The following TBX20 variants were observed in gnomAD, a reference collection of about 807,000 sequenced individuals.
TBX20 encodes T-box transcription factor TBX20.
TBX20 carries 8 observed loss-of-function variants against 42.9 expected under a neutral mutation model. The ratio of observed to expected loss-of-function variants is 0.19; its 90% CI spans 0.11 to 0.34. The LOEUF (loss-of-function observed/expected upper bound fraction) is 0.34, where lower values mean the gene tolerates loss of function less well. Ranked by LOEUF, TBX20 falls within the 10% of genes least tolerant of loss-of-function variation. TBX20 has a pLI of 1.00. For missense variants in TBX20, 411 were observed against 566.0 expected (o/e 0.73, Z 2.78); for synonymous variants, 198 against 222.8 (o/e 0.89, Z 0.99).
intron 3 of TBX20, among the ~76,000 whole-genome samples, chr7:35,245,383 G>A (rs1036467562): frequency 4.8e-5 from 7 of 147,338 alleles, no homozygotes; most frequent in Non-Finnish European, 8.9e-5. Context: ...GGTCTGCTTC[G>A]ATCAAACGCA....
At chr7:35,250,349 T>A in intron 1 of TBX20, 146 bp from the exon 2 acceptor site, 2 of 991,738 alleles carry the variant, frequency 2.0e-6, no homozygotes, top group Non-Finnish European at 3.1e-6. Flanking sequence ...GGATGACCCA[T>A]CATCACTGTA....
At position 35,249,868 on chromosome 7, in the gene TBX20, T is replaced by C; in HGVS notation, c.380+83A>G. 6.8e-7 allele frequency: 1 copy of C among 1,476,228 alleles called. No individual in the cohort carries two copies. Among genetic ancestry groups the C allele is most frequent in the Non-Finnish European group, 9.2e-7 (1 of 1,090,206 alleles). The allele number at this position is 1,476,228 out of a possible 1,614,324, so 91.4% of individuals were successfully genotyped here. A position where few individuals can be genotyped will look rare whatever the true frequency, so the allele number is the denominator to read the frequency against. On this transcript the variant is annotated intron_variant, in intron 2 of 7. Coordinates refer to ENST00000408931, the MANE Select transcript of TBX20 (RefSeq NM_001077653.2). The surrounding 1 kb of genome is among the most constrained non-coding windows in gnomAD (Gnocchi z 4.3). Reference sequence around the variant, plus strand: ...CCGCTCCATGACCAGCCAGCTCTCATCTAGTTCCTGGAAGCACCCTCAACT... The same window carrying C: ...CCGCTCCATGACCAGCCAGCTCTCACCTAGTTCCTGGAAGCACCCTCAACT...
intron 6 of TBX20, among the ~76,000 whole-genome samples, chr7:35,216,699 C>A (rs1409588677): frequency 6.6e-6 from 1 of 152,152 alleles, no homozygotes; most frequent in Non-Finnish European, 1.5e-5. Context: ...TTAAACCTTC[C>A]TTCCTTATAC....
At chr7:35,225,352 C>T (rs1395099694) in intron 6 of TBX20, among the ~76,000 whole-genome samples, 7 of 151,858 alleles carry the variant, frequency 4.6e-5, no homozygotes, top group South Asian at 2.1e-4. Flanking sequence ...ACATAATAAC[C>T]CAAATTATTA....
chr7:35,234,762 G>A lies in TBX20; in HGVS notation c.814-3182C>T, dbSNP rs964016001. Among the ~76,000 whole-genome samples the A allele has an allele frequency of 3.9e-5, 6 of 152,224 alleles. No homozygotes were observed. The South Asian group carries it at 8.3e-4, about 21-fold the overall frequency. ...TCTATTTCTATTTAATCTAATTCTAGGGAAAATAATTGCTTTTGCACGTGA... is the reference window on the plus strand; with the variant it reads ...TCTATTTCTATTTAATCTAATTCTAAGGAAAATAATTGCTTTTGCACGTGA... On this transcript the variant is annotated intron_variant, in intron 5 of 7. Coordinates refer to ENST00000408931, the MANE Select transcript of TBX20 (RefSeq NM_001077653.2).
At chr7:35,212,402 C>G (rs1157820588) in intron 6 of TBX20, among the ~76,000 whole-genome samples, 2 of 152,162 alleles carry the variant, frequency 1.3e-5, no homozygotes, top group African/African-American at 2.4e-5. Context: ...AACTGATTAT[C>G]TCTTCACTAT....
At chr7:35,218,283 A>AC (rs1789623671) in intron 6 of TBX20, among the ~76,000 whole-genome samples, 1 of 152,228 alleles carries the variant, frequency 6.6e-6, no homozygotes, top group African/African-American at 2.4e-5. Context: ...CTGTAAATAT[A>AC]TAAACAAAAG....
chr7:35,243,431 T>C (rs1790120540), intron 4 of TBX20, among the ~76,000 whole-genome samples: 1 of 152,144 alleles, frequency 6.6e-6, no homozygotes, highest in African/African-American at 2.4e-5. Flanking sequence ...AAGCTGATGC[T>C]AAAAGGAAAG....
chr7:35,205,392 C>T (rs2669529), intron 6 of TBX20, among the ~76,000 whole-genome samples: 11 of 151,154 alleles, frequency 7.3e-5, no homozygotes, highest in East Asian at 1.9e-4. Flanking sequence ...CCAATTTGTT[C>T]GCCAAAAGTG....
chr7:35,232,143 C>G (rs1367318531), intron 5 of TBX20, among the ~76,000 whole-genome samples: 4 of 152,152 alleles, frequency 2.6e-5, no homozygotes, highest in African/African-American at 9.7e-5. Context: ...TACAAATTTT[C>G]TCCTATTTCC....
chr7:35,203,934 T>C (rs976803985), intron 7 of TBX20, among the ~76,000 whole-genome samples: 1 of 152,266 alleles, frequency 6.6e-6, no homozygotes, highest in African/African-American at 2.4e-5. Flanking sequence ...AGGGCTGCTC[T>C]CTAAGCCTTG....
intron 6 of TBX20, among the ~76,000 whole-genome samples, chr7:35,217,893 T>A (rs1427182681): frequency 6.6e-6 from 1 of 152,158 alleles, no homozygotes; most frequent in Non-Finnish European, 1.5e-5. Flanking sequence ...GTTAATTTTG[T>A]ATTTTTAGTA....
chr7:35,249,227 G>A lies in TBX20; in HGVS notation c.381-386C>T, dbSNP rs999260518. 1.3e-5 allele frequency among the ~76,000 whole-genome samples: 2 copies of A among 152,182 alleles called. No individual in the cohort carries two copies. The highest frequency in any genetic ancestry group is 6.5e-5 in the Admixed American group (1 of 15,278). On this transcript the variant is annotated intron_variant, in intron 2 of 7. Coordinates refer to ENST00000408931, the MANE Select transcript of TBX20 (RefSeq NM_001077653.2). This position sits in a 1 kb window ranked among gnomAD's most constrained non-coding sequence, Gnocchi z 4.3. ...GCTGACCCAGTCACACAACTCACCC[G>A]CATCCCAGCCAGAAAACTCTGCTCT...
At chr7:35,211,536 G>T (rs1394745724) in intron 6 of TBX20, among the ~76,000 whole-genome samples, 3 of 152,088 alleles carry the variant, frequency 2.0e-5, no homozygotes, top group African/African-American at 4.8e-5. Context: ...TTCTCTTTCA[G>T]TACAGATGAT....
chr7:35,242,945 G>T (rs1790111052), intron 4 of TBX20, among the ~76,000 whole-genome samples: 1 of 152,132 alleles, frequency 6.6e-6, no homozygotes, highest in South Asian at 2.1e-4. Context: ...ATAGGTTTCA[G>T]AACACACTAA....
rs1790360273 is a variant in TBX20 at position 35,254,008 on chromosome 7, G to C, written c.-388C>G. The C allele has an allele frequency of 5.8e-6, 1 of 171,436 alleles. No homozygotes were observed. Among genetic ancestry groups the C allele is most frequent in the African/African-American group, 2.4e-5 (1 of 41,874 alleles). The allele number at this position is 171,436 out of a possible 1,614,324, so 10.6% of individuals were successfully genotyped here. On this transcript the variant is annotated 5_prime_UTR_variant, in exon 1 of 8. Coordinates refer to ENST00000408931, the MANE Select transcript of TBX20 (RefSeq NM_001077653.2). Reference sequence around the variant, plus strand: ...CTTCCTCCCTCTGGGGCTGGGGACAGCCGGGATGTCCCAGGCTGAGGTGGC... The same window carrying C: ...CTTCCTCCCTCTGGGGCTGGGGACACCCGGGATGTCCCAGGCTGAGGTGGC...
At chr7:35,217,872 C>T (rs1281448533) in intron 6 of TBX20, among the ~76,000 whole-genome samples, 1 of 152,152 alleles carries the variant, frequency 6.6e-6, no homozygotes, top group Non-Finnish European at 1.5e-5. Flanking sequence ...AGGCATGCAC[C>T]ACCACGCCTG....
chr7:35,253,710 C>T lies in TBX20; in HGVS notation c.-90G>A. 1 of 1,529,984 alleles carries T rather than the reference C, an allele frequency of 6.5e-7. No individual in the cohort carries two copies. Among genetic ancestry groups the T allele is most frequent in the South Asian group, 1.2e-5 (1 of 82,296 alleles). The allele number at this position is 1,529,984 out of a possible 1,614,324, so 94.8% of individuals were successfully genotyped here. A position where few individuals can be genotyped will look rare whatever the true frequency, so the allele number is the denominator to read the frequency against. ...GGAGACAAAGACCCGAAACACAGCTCAAAGTTTCCGAGAGCAGTCACAGCG... is the reference window on the plus strand; with the variant it reads ...GGAGACAAAGACCCGAAACACAGCTTAAAGTTTCCGAGAGCAGTCACAGCG... On this transcript the variant is annotated 5_prime_UTR_variant, in exon 1 of 8. Transcript: ENST00000408931.
At chr7:35,228,289 A>G (rs1449839174) in intron 6 of TBX20, among the ~76,000 whole-genome samples, 1 of 152,162 alleles carries the variant, frequency 6.6e-6, no homozygotes, top group Non-Finnish European at 1.5e-5. Flanking sequence ...TTAGAAAGCC[A>G]ATAAAAAGTG....
Sources: gnomAD v4.1 joint callset for allele counts (sites outside exome capture counted in the v4.1 genomes callset) on GRCh38, gnomAD v4.1.1 for gene constraint, Gnocchi (gnomAD v3.1) non-coding constraint, MANE v1.5 for transcripts, NCBI Gene and HGNC (gene_info 2026-07-23, HGNC 2026-07-21) for gene names.